The following PPP1R9A variants were observed in gnomAD, a reference collection of about 807,000 sequenced individuals.
PPP1R9A encodes neurabin-1.
PPP1R9A carries 59 observed loss-of-function variants against 141.9 expected under a neutral mutation model. The observed-to-expected ratio is 0.42, with a 90% CI of 0.34 to 0.52. The LOEUF (loss-of-function observed/expected upper bound fraction) is 0.52. Ranked by LOEUF, PPP1R9A falls within the 20% of genes least tolerant of loss-of-function variation. The pLI is 0.10. For missense variants in PPP1R9A, 1,444 were observed against 1,611.9 expected, an observed-to-expected ratio of 0.90 and a Z score of 1.78; for synonymous variants, 500 against 569.7, an observed-to-expected ratio of 0.88 and a Z score of 1.74.
At chr7:94,924,128 ACT>A (rs1230999393) in intron 2 of PPP1R9A, among the ~76,000 whole-genome samples, 1 of 152,148 alleles carries the variant, frequency 6.6e-6, no homozygotes, top group Non-Finnish European at 1.5e-5. Context: ...TAAAATTTTG[ACT>A]CTTTTCTATA....
chr7:95,129,765 A>C (rs928180364), intron 4 of PPP1R9A, among the ~76,000 whole-genome samples: 5 of 152,156 alleles, frequency 3.3e-5, no homozygotes, highest in Admixed American at 3.3e-4. Context: ...TGGGAACTGG[A>C]GCAAAGGTGA....
intron 2 of PPP1R9A, among the ~76,000 whole-genome samples, chr7:95,018,782 C>T (rs1805470456): frequency 6.6e-6 from 1 of 152,110 alleles, no homozygotes; most frequent in Non-Finnish European, 1.5e-5. Context: ...CCAATGCAAA[C>T]ATGAAGCTCT....
chr7:95,166,971 T>C (rs1226343772), intron 5 of PPP1R9A, among the ~76,000 whole-genome samples: 1 of 152,196 alleles, frequency 6.6e-6, no homozygotes, highest in Non-Finnish European at 1.5e-5. Context: ...TATCCCTTCA[T>C]GATGAAAACC....
intron 5 of PPP1R9A, among the ~76,000 whole-genome samples, chr7:95,180,598 G>GA (rs1833594212): frequency 6.6e-6 from 1 of 151,274 alleles, no homozygotes; most frequent in African/African-American, 2.4e-5. Context: ...ACAACCCACA[G>GA]AGTGGGAGAA....
chr7:95,293,223 A>T lies in PPP1R9A; in HGVS notation c.*2920A>T, dbSNP rs1391561689. 1 of 152,212 alleles carries T rather than the reference A, an allele frequency of 6.6e-6. No individual in the cohort carries two copies. Among genetic ancestry groups the T allele is most frequent in the Non-Finnish European group, 1.5e-5 (1 of 68,036 alleles). The allele number at this position is 152,212 out of a possible 1,614,324, so 9.4% of individuals were successfully genotyped here. A position where few individuals can be genotyped will look rare whatever the true frequency, so the allele number is the denominator to read the frequency against. On this transcript the variant is annotated 3_prime_UTR_variant, in exon 20 of 20. Transcript: ENST00000433360. ...TTTCCCATTAAAGGATGTTAGTTTT[A>T]TAACAGATTACTTTGTTTAAGACCA... is the stretch of plus-strand genomic sequence containing the variant.
chr7:95,111,788 G>A (rs962026041), intron 3 of PPP1R9A, among the ~76,000 whole-genome samples: 2 of 152,032 alleles, frequency 1.3e-5, no homozygotes, highest in African/African-American at 2.4e-5. Flanking sequence ...TAATAAAGGC[G>A]GTAGAATCCA....
intron 2 of PPP1R9A, among the ~76,000 whole-genome samples, chr7:94,919,340 T>C (rs1424345060): frequency 6.7e-6 from 1 of 148,878 alleles, no homozygotes; most frequent in Non-Finnish European, 1.5e-5. Context: ...ATTCAGGGTC[T>C]TGCTATATTG....
At chr7:95,065,586 TG>T (rs1445255497) in intron 2 of PPP1R9A, among the ~76,000 whole-genome samples, 1 of 152,224 alleles carries the variant, frequency 6.6e-6, no homozygotes, top group Non-Finnish European at 1.5e-5. Context: ...TGGAATTGTC[TG>T]TTGTGACTGG....
chr7:95,241,620 C>T (rs1797479005), intron 8 of PPP1R9A, among the ~76,000 whole-genome samples: 1 of 152,008 alleles, frequency 6.6e-6, no homozygotes, highest in African/African-American at 2.4e-5. Flanking sequence ...AAGTGACTGT[C>T]CAATTTCTCC....
At chr7:94,993,063 A>G (rs1801717264) in intron 2 of PPP1R9A, among the ~76,000 whole-genome samples, 1 of 151,376 alleles carries the variant, frequency 6.6e-6, no homozygotes, top group African/African-American at 2.4e-5. Flanking sequence ...ATGTATGTTG[A>G]GAGGTATGGA....
intron 13 of PPP1R9A, among the ~76,000 whole-genome samples, chr7:95,268,944 T>C (rs1801723322): frequency 6.6e-6 from 1 of 152,202 alleles, no homozygotes; most frequent in Non-Finnish European, 1.5e-5. Context: ...TTCATGATGG[T>C]GCTTTTGATA....
At chr7:95,240,534 T>G (rs777320368) in intron 8 of PPP1R9A, among the ~76,000 whole-genome samples, 1 of 152,034 alleles carries the variant, frequency 6.6e-6, no homozygotes, top group Non-Finnish European at 1.5e-5. Flanking sequence ...AGTGATTTTA[T>G]TTTTTATAGC....
At chr7:94,960,169 C>CTTTTTTTTTTTTTT (rs545105548) in intron 2 of PPP1R9A, among the ~76,000 whole-genome samples, 2 of 139,534 alleles carry the variant, frequency 1.4e-5, no homozygotes, top group African/African-American at 2.6e-5. Context: ...CTCTCTCTCT[C>CTTTTTTTTTTTTTT]TTTTTTTTTT....
At chr7:94,985,245 A>G (rs971022557) in intron 2 of PPP1R9A, among the ~76,000 whole-genome samples, 2 of 150,800 alleles carry the variant, frequency 1.3e-5, no homozygotes, top group African/African-American at 4.8e-5. Context: ...GTGCTTTACT[A>G]TGTGGTCAAT....
intron 2 of PPP1R9A, among the ~76,000 whole-genome samples, chr7:94,912,988 G>A (rs749892961): frequency 1.6e-4 from 24 of 151,896 alleles, no homozygotes; most frequent in Middle Eastern, 3.2e-3. Flanking sequence ...TTTGCCATTC[G>A]CATCCCCCTT....
chr7:95,193,744 G>A (rs992468688), intron 5 of PPP1R9A, among the ~76,000 whole-genome samples: 1 of 151,930 alleles, frequency 6.6e-6, no homozygotes, highest in Non-Finnish European at 1.5e-5. Flanking sequence ...ATCTCTCACA[G>A]GGTCTTTCTT....
intron 6 of PPP1R9A, chr7:95,202,524 T>G: frequency 1.7e-6 from 1 of 577,552 alleles, no homozygotes; most frequent in Non-Finnish European, 2.0e-6. Flanking sequence ...TGATCACTTG[T>G]TTTTTTTTTC....
intron 1 of PPP1R9A, 138 bp downstream of exon 1, chr7:94,907,840 G>T (rs1790923835): frequency 6.7e-6 from 1 of 150,252 alleles, no homozygotes. Context: ...CCCCAGGCCG[G>T]CCCGAGCGTG....
At chr7:95,063,346 T>C (rs142960112) in intron 2 of PPP1R9A, among the ~76,000 whole-genome samples, 3 of 152,208 alleles carry the variant, frequency 2.0e-5, no homozygotes, top group Non-Finnish European at 2.9e-5. Context: ...GGAGGATTGC[T>C]TGAGTCCAGC....
Sources: allele counts gnomAD v4.1 joint callset (sites outside exome capture counted in the v4.1 genomes callset), GRCh38; gene constraint gnomAD v4.1.1; transcripts MANE v1.5; gene names NCBI Gene and HGNC (gene_info 2026-07-23, HGNC 2026-07-21).